DYRK1A: variants seen among roughly 807,000 people sequenced by gnomAD.
DYRK1A encodes dual specificity tyrosine-phosphorylation-regulated kinase 1A.
In DYRK1A, 9 loss-of-function variants were observed where a neutral mutation model predicts 79.7. The observed-to-expected ratio is 0.11, with a 90% CI of 0.07 to 0.20. The LOEUF (loss-of-function observed/expected upper bound fraction) is 0.20, where lower values mean the gene tolerates loss of function less well. DYRK1A is among the 10% of genes least tolerant of loss of function. The pLI, the probability that DYRK1A is intolerant of heterozygous loss-of-function variation, is 1.00. For missense variants in DYRK1A, 622 were observed against 956.0 expected, an observed-to-expected ratio of 0.65 and a Z score of 4.61; for synonymous variants, 349 against 329.7, an observed-to-expected ratio of 1.06 and a Z score of -0.63.
chr21:37,517,023 A>G lies in DYRK1A; in HGVS notation c.*4492A>G, dbSNP rs957608131. 6.6e-6 allele frequency: 1 copy of G among 152,108 alleles called. No homozygotes were observed. Among genetic ancestry groups the G allele is most frequent in the African/African-American group, 2.4e-5 (1 of 41,392 alleles). 9.4% of individuals were successfully genotyped at this position (152,108 alleles called of 1,614,324 possible). A position where few individuals can be genotyped will look rare whatever the true frequency, so the allele number is the denominator to read the frequency against. On this transcript the variant is annotated 3_prime_UTR_variant, in exon 12 of 12. Coordinates refer to ENST00000647188, the MANE Select transcript of DYRK1A (RefSeq NM_001347721.2). ...GTGGAATTAATGTGGGTAAATTTCC[A>G]TTTCAGTTGAATTTCCTGTCATCCC...
At chr21:37,506,293 G>T (rs539865453) in intron 11 of DYRK1A, 70 bp downstream of exon 11, 3 of 1,612,926 alleles carry the variant, frequency 1.9e-6, no homozygotes, top group East Asian at 4.5e-5. Flanking sequence ...TGGATGCCAG[G>T]TGCCTTTAGA....
intron 1 of DYRK1A, among the ~76,000 whole-genome samples, chr21:37,385,931 C>T (rs1026222254): frequency 2.6e-5 from 4 of 152,110 alleles, no homozygotes; most frequent in African/African-American, 9.7e-5. Flanking sequence ...ATTGACAGCT[C>T]ACATTAGCAT....
intron 1 of DYRK1A, among the ~76,000 whole-genome samples, chr21:37,387,357 A>G (rs749021651): frequency 1.8e-4 from 28 of 152,162 alleles, no homozygotes; most frequent in Admixed American, 5.9e-4. Flanking sequence ...TTCACCATAA[A>G]CCAGATTGTG....
intron 6 of DYRK1A, chr21:37,488,682 A>G: frequency 4.1e-6 from 4 of 985,418 alleles, no homozygotes; most frequent in Non-Finnish European, 4.8e-6. Flanking sequence ...AAATGAATAA[A>G]GAATTGTGAG....
chr21:37,448,836 A>G (rs765092017), intron 2 of DYRK1A, among the ~76,000 whole-genome samples: 2 of 152,112 alleles, frequency 1.3e-5, no homozygotes, highest in African/African-American at 2.4e-5. Flanking sequence ...AGCTGGGACT[A>G]TAGGCACATG....
At chr21:37,408,034 T>TG (rs2050179778) in intron 1 of DYRK1A, among the ~76,000 whole-genome samples, 1 of 152,136 alleles carries the variant, frequency 6.6e-6, no homozygotes, top group Non-Finnish European at 1.5e-5. Context: ...AAATCAAAGC[T>TG]TACATAGGCA....
At chr21:37,496,423 G>A (rs2053271468) in intron 9 of DYRK1A, among the ~76,000 whole-genome samples, 165 bp downstream of exon 9, 1 of 152,148 alleles carries the variant, frequency 6.6e-6, no homozygotes, top group Non-Finnish European at 1.5e-5. Flanking sequence ...AGTTTGACCT[G>A]AACTATCAGG....
At chr21:37,441,024 CTA>C (rs1390454382) in intron 2 of DYRK1A, among the ~76,000 whole-genome samples, 1 of 151,840 alleles carries the variant, frequency 6.6e-6, no homozygotes, top group Non-Finnish European at 1.5e-5. Context: ...ATAATTGTGT[CTA>C]TCGTTGTAGT....
chr21:37,382,194 T>C (rs949862341), intron 1 of DYRK1A, among the ~76,000 whole-genome samples: 10 of 151,716 alleles, frequency 6.6e-5, no homozygotes, highest in African/African-American at 2.4e-4. Flanking sequence ...CCTGCCCTCA[T>C]GAAGCTTGCT....
At chr21:37,469,272 A>G (rs1332935605) in intron 2 of DYRK1A, among the ~76,000 whole-genome samples, 1 of 152,262 alleles carries the variant, frequency 6.6e-6, no homozygotes, top group African/African-American at 2.4e-5. Context: ...CTCTGTGTAT[A>G]CCAAACGATG....
chr21:37,377,063 C>A (rs2049558795), intron 1 of DYRK1A, among the ~76,000 whole-genome samples: 1 of 152,082 alleles, frequency 6.6e-6, no homozygotes, highest in African/African-American at 2.4e-5. Flanking sequence ...TATTTAAAAT[C>A]CAAACCAAAT....
chr21:37,367,116 CGCGCGAGTGT>C lies in DYRK1A; in HGVS notation c.-585_-576del, dbSNP rs2049322539. On this transcript the variant is annotated 5_prime_UTR_variant, in exon 1 of 12. Transcript: ENST00000647188. ...GGGAGCGTGTGCGAGGGCGATTGTG[CGCGCGAGTGT>C]GCGGGTGTGTGCGAGTGTCTGTCTG... is the stretch of plus-strand genomic sequence containing the variant. 1 of 153,386 alleles carries C rather than the reference CGCGCGAGTGT, an allele frequency of 6.5e-6. No homozygotes were observed. The highest frequency in any genetic ancestry group is 2.4e-5 in the African/African-American group (1 of 41,358). 9.5% of individuals were successfully genotyped at this position (153,386 alleles called of 1,614,324 possible).
chr21:37,406,456 G>A lies in DYRK1A; in HGVS notation c.-76-13843G>A, dbSNP rs377396009. 3.5e-4 allele frequency among the ~76,000 whole-genome samples: 53 copies of A among 152,274 alleles called. No individual in the cohort carries two copies. In the East Asian group the frequency reaches 9.9e-3, roughly 28 times the overall value. ...CAAGTCTGTAATCCTAGTGCTTTGGGAGGCTGAGGCAGATGGATCACTTGA... is the reference window on the plus strand; with the variant it reads ...CAAGTCTGTAATCCTAGTGCTTTGGAAGGCTGAGGCAGATGGATCACTTGA... On this transcript the variant is annotated intron_variant, in intron 1 of 11. Coordinates refer to ENST00000647188, the MANE Select transcript of DYRK1A (RefSeq NM_001347721.2).
chr21:37,450,977 T>C (rs1266475251), intron 2 of DYRK1A, among the ~76,000 whole-genome samples: 1 of 152,216 alleles, frequency 6.6e-6, no homozygotes, highest in Non-Finnish European at 1.5e-5. Flanking sequence ...ACAAAAATCC[T>C]ATCACCTAGT....
chr21:37,485,199 T>A (rs1379871474), intron 5 of DYRK1A, among the ~76,000 whole-genome samples: 1 of 152,176 alleles, frequency 6.6e-6, no homozygotes, highest in Admixed American at 6.5e-5. Flanking sequence ...GTTAACTGTT[T>A]GGCAAGTCAG....
chr21:37,450,741 T>C (rs970572149), intron 2 of DYRK1A, among the ~76,000 whole-genome samples: 2 of 152,218 alleles, frequency 1.3e-5, no homozygotes, highest in Admixed American at 6.5e-5. Flanking sequence ...CTTTCACTCA[T>C]TCGTTTAGTG....
chr21:37,470,018 C>A (rs963897163), intron 2 of DYRK1A, among the ~76,000 whole-genome samples: 1 of 152,158 alleles, frequency 6.6e-6, no homozygotes, highest in Admixed American at 6.5e-5. Flanking sequence ...GTGGTGGGCA[C>A]CTGTAGTCCC....
At chr21:37,474,497 T>A (rs2148560569) in intron 3 of DYRK1A, among the ~76,000 whole-genome samples, 1 of 152,340 alleles carries the variant, frequency 6.6e-6, no homozygotes, top group East Asian at 1.9e-4. Context: ...CCCTTTCCTG[T>A]AACTAAAGTG....
intron 2 of DYRK1A, among the ~76,000 whole-genome samples, chr21:37,443,721 T>C (rs1418789665): frequency 6.6e-6 from 1 of 152,218 alleles, no homozygotes; most frequent in Non-Finnish European, 1.5e-5. Flanking sequence ...GGTAGTTTGC[T>C]GGCAATCTTG....
Sources: allele counts gnomAD v4.1 joint callset (sites outside exome capture counted in the v4.1 genomes callset), GRCh38; gene constraint gnomAD v4.1.1; transcripts MANE v1.5; gene names NCBI Gene and HGNC (gene_info 2026-07-23, HGNC 2026-07-21).